Variants in MMP26 observed in about 807,000 individuals in gnomAD.
MMP26 encodes the protein matrix metallopeptidase 26, also known as matrix metalloproteinase-26.
A neutral mutation model predicts 31.0 loss-of-function variants in MMP26; 33 were observed. That is an observed-to-expected ratio of 1.06 (90% CI 0.81 to 1.42). The LOEUF (loss-of-function observed/expected upper bound fraction) is 1.42. Among genes scored for constraint, MMP26 ranks in the 40% most tolerant of loss-of-function variants. MMP26 has a pLI of 0.00. For synonymous variants in MMP26, 122 were observed against 114.9 expected (o/e 1.06, Z -0.40); for missense variants, 347 against 316.1 (o/e 1.10, Z -0.74).
chr11:4,874,240 G>T (rs1346109574), intron 2 of MMP26, among the ~76,000 whole-genome samples: 1 of 152,014 alleles, frequency 6.6e-6, no homozygotes, highest in African/African-American at 2.4e-5. Context: ...TTTAATTTAA[G>T]AAATTTAAAT....
chr11:4,989,103 CT>C (rs1282574822), intron 3 of MMP26, among the ~76,000 whole-genome samples: 2 of 152,236 alleles, frequency 1.3e-5, no homozygotes, highest in African/African-American at 2.4e-5. Flanking sequence ...ATACAATGTG[CT>C]TTTTTTGTAT....
intron 1 of MMP26, chr11:4,723,111 C>T: frequency 3.2e-6 from 5 of 1,553,914 alleles, no homozygotes; most frequent in Non-Finnish European, 4.4e-6. Flanking sequence ...CGCTGCAGGG[C>T]GGCCTCCAGC....
chr11:4,990,645 G>A lies in MMP26; in HGVS notation c.368G>A (p.Ser123Asn). Residue 123 changes from serine (S) to asparagine (N), a missense_variant, in exon 5 of 8, where the codon AGT becomes AAT. Physicochemically the swap from Ser to Asn is conservative, Grantham distance 46. Transcript: ENST00000380390. ...ATGAAGCCATCCGCAGTGAAAGACA[G>A]TATATATAATGCAGTTTCCATCTGG... ...HDMKPSAVKD[S>N]IYNAVSIWSN... 6.2e-7 allele frequency: 1 copy of A among 1,614,104 alleles called. No homozygotes were observed. The highest frequency in any genetic ancestry group is 8.5e-7 in the Non-Finnish European group (1 of 1,179,978).
chr11:4,783,598 A>C (rs1038592166), intron 2 of MMP26, among the ~76,000 whole-genome samples: 3 of 152,108 alleles, frequency 2.0e-5, no homozygotes, highest in Admixed American at 2.0e-4. Flanking sequence ...TTGATGTTGA[A>C]ATGTGAAGAA....
chr11:4,803,666 T>C (rs893302504), intron 2 of MMP26: 8 of 1,613,804 alleles, frequency 5.0e-6, no homozygotes, highest in Non-Finnish European at 6.8e-6. Context: ...CTAAAAGCTT[T>C]GAGGCGGGCT....
intron 2 of MMP26, among the ~76,000 whole-genome samples, chr11:4,774,092 A>G (rs1369122505): frequency 1.3e-5 from 2 of 152,240 alleles, no homozygotes; most frequent in African/African-American, 2.4e-5. Context: ...CAATGCTGCA[A>G]TGAACATACA....
intron 2 of MMP26, among the ~76,000 whole-genome samples, chr11:4,843,785 C>T (rs1589917194): frequency 6.6e-6 from 1 of 152,166 alleles, no homozygotes. Context: ...TTATTGCCTA[C>T]CACATGGTCA....
chr11:4,821,580 T>C, intron 2 of MMP26: 3 of 1,613,624 alleles, frequency 1.9e-6, no homozygotes, highest in African/African-American at 2.7e-5. Flanking sequence ...TGGTCCTCTG[T>C]GAACGGAGCC....
At chr11:4,793,961 C>G (rs1471940237) in intron 2 of MMP26, 1 of 152,130 alleles carries the variant, frequency 6.6e-6, no homozygotes, top group Non-Finnish European at 1.5e-5. Flanking sequence ...TGTGCAGGAA[C>G]AGGGTGACAC....
chr11:4,748,679 C>CT (rs200910227), intron 1 of MMP26, among the ~76,000 whole-genome samples: 6 of 150,756 alleles, frequency 4.0e-5, no homozygotes, highest in African/African-American at 1.2e-4. Context: ...CATAAGCAGA[C>CT]TTTTTTTAAA....
At chr11:4,977,749 A>G (rs1846757422) in intron 2 of MMP26, among the ~76,000 whole-genome samples, 1 of 152,098 alleles carries the variant, frequency 6.6e-6, no homozygotes, top group South Asian at 2.1e-4. Context: ...AAAGTCCCCT[A>G]CACTGCAGCT....
At chr11:4,820,031 A>G (rs1381645425) in intron 2 of MMP26, among the ~76,000 whole-genome samples, 1 of 152,208 alleles carries the variant, frequency 6.6e-6, no homozygotes, top group Non-Finnish European at 1.5e-5. Flanking sequence ...CACAGTTCAC[A>G]TGGAATTAAC....
At chr11:4,731,835 G>A (rs545418592) in intron 1 of MMP26, among the ~76,000 whole-genome samples, 1 of 152,278 alleles carries the variant, frequency 6.6e-6, no homozygotes, top group Admixed American at 6.5e-5. Flanking sequence ...TGTAGGTATT[G>A]TGTCTATTCA....
chr11:4,791,798 G>A (rs979454915), intron 2 of MMP26, among the ~76,000 whole-genome samples: 1 of 151,950 alleles, frequency 6.6e-6, no homozygotes, highest in African/African-American at 2.4e-5. Flanking sequence ...CCAGTGTTGG[G>A]TTCCAGATTT....
At chr11:4,803,954 C>A (rs778077492) in intron 2 of MMP26, 2 of 1,613,500 alleles carry the variant, frequency 1.2e-6, no homozygotes, top group Non-Finnish European at 1.7e-6. Context: ...TTGATCACGA[C>A]CGATGGGGTC....
chr11:4,939,646 T>C (rs891328936), intron 2 of MMP26, among the ~76,000 whole-genome samples: 1 of 152,182 alleles, frequency 6.6e-6, no homozygotes, highest in African/African-American at 2.4e-5. Flanking sequence ...TGGGAAAACC[T>C]TGGCTCCAAG....
chr11:4,925,730 AG>A lies in MMP26; in HGVS notation c.-144-62337del, dbSNP rs147988764. ...ATCAGAGAAATAGGATGAAAGTAAT[AG>A]TACATAATGTCAATAAAACCAAGCC... On this transcript the variant is annotated intron_variant, in intron 2 of 7. Transcript: ENST00000380390. 6.1e-3 allele frequency among the ~76,000 whole-genome samples: 921 copies of A among 151,904 alleles called. 13 individuals carry two copies. Among genetic ancestry groups the A allele is most frequent in the African/African-American group, 0.021 (878 of 41,418 alleles).
intron 2 of MMP26, among the ~76,000 whole-genome samples, chr11:4,823,402 C>T (rs1564788852): frequency 6.6e-6 from 1 of 152,130 alleles, no homozygotes; most frequent in African/African-American, 2.4e-5. Context: ...CCCCAAACAA[C>T]ATTAACAACC....
chr11:4,764,939 C>T (rs532778251), intron 1 of MMP26, among the ~76,000 whole-genome samples: 1 of 152,046 alleles, frequency 6.6e-6, no homozygotes, highest in Admixed American at 6.6e-5. Context: ...TATGCTGAAA[C>T]TCCATTTCCT....
Sources: gnomAD v4.1 joint callset for allele counts (sites outside exome capture counted in the v4.1 genomes callset) on GRCh38, gnomAD v4.1.1 for gene constraint, MANE v1.5 for transcripts, NCBI Gene and HGNC (gene_info 2026-07-23, HGNC 2026-07-21) for gene names.